The following EDNRA variants were observed in gnomAD, a reference collection of about 807,000 sequenced individuals.
The protein encoded by EDNRA is endothelin-1 receptor.
EDNRA carries 11 observed loss-of-function variants against 41.4 expected under a neutral mutation model. The observed-to-expected ratio is 0.27, with a 90% confidence interval of 0.17 to 0.44. The LOEUF (loss-of-function observed/expected upper bound fraction) is 0.44, where lower values mean the gene tolerates loss of function less well. Among genes scored for constraint, EDNRA ranks in the 20% least tolerant of loss-of-function variants. The pLI is 1.00. For synonymous variants in EDNRA, 172 were observed against 183.0 expected (o/e 0.94, Z 0.49); for missense variants, 294 against 531.0 (o/e 0.55, Z 4.39).
rs934971986 is a variant in EDNRA, at chr4:147,544,200, A to ATT, written c.*1585_*1586dup. ...TCATCATGACAACCTGCCTCAGTCC[A>ATT]TTTTAACCTGTAGCAACCTTCTGCA... On this transcript the variant is annotated 3_prime_UTR_variant, in exon 8 of 8. Transcript: ENST00000651419. 1 of 152,780 alleles carries ATT rather than the reference A, an allele frequency of 6.5e-6. No homozygotes were observed. Among genetic ancestry groups the ATT allele is most frequent in the African/African-American group, 2.4e-5 (1 of 41,446 alleles). The allele number at this position is 152,780 out of a possible 1,614,324, so 9.5% of individuals were successfully genotyped here.
At chr4:147,500,091 C>T (rs750447550) in intron 2 of EDNRA, among the ~76,000 whole-genome samples, 8 of 152,104 alleles carry the variant, frequency 5.3e-5, no homozygotes, top group Non-Finnish European at 1.2e-4. Context: ...GAGTGTGAGC[C>T]ACCACACCTA....
intron 3 of EDNRA, among the ~76,000 whole-genome samples, chr4:147,523,690 C>T (rs370776057): frequency 5.9e-5 from 9 of 152,094 alleles, no homozygotes; most frequent in African/African-American, 2.2e-4. Flanking sequence ...CGGGGTTTCA[C>T]CGTGTTAGCC....
chr4:147,539,630 A>T (rs951462347), intron 5 of EDNRA, among the ~76,000 whole-genome samples, 187 bp from the exon 6 acceptor site: 5 of 152,094 alleles, frequency 3.3e-5, no homozygotes, highest in African/African-American at 1.2e-4. Context: ...CATCATTAGC[A>T]ATTCCTTCGT....
chr4:147,537,242 GTAT>G (rs1304647858), intron 5 of EDNRA, among the ~76,000 whole-genome samples: 7 of 152,286 alleles, frequency 4.6e-5, no homozygotes, highest in African/African-American at 1.7e-4. Flanking sequence ...TGAATCAATA[GTAT>G]TATGAGGATC....
Position 147,532,635 on chromosome 4 carries a change from G to A in EDNRA, c.678G>A (p.Met226Ile). 1 of 1,613,988 alleles carries A rather than the reference G, an allele frequency of 6.2e-7. No homozygotes were observed. Among genetic ancestry groups the A allele is most frequent in the Non-Finnish European group, 8.5e-7 (1 of 1,179,998 alleles). Residue 226 changes from methionine (M) to isoleucine (I), a missense_variant, in exon 4 of 8, where the codon ATG becomes ATA. By Grantham distance (10) the Met-to-Ile change is conservative. This residue lies in a region of EDNRA where 185 missense variants were observed against 390.8 expected (regional missense o/e 0.47). Coordinates refer to ENST00000651419, the MANE Select transcript of EDNRA (RefSeq NM_001957.4). ...LAIPEAIGFV[M>I]VPFEYRGEQH... ...TTCCTGAAGCGATTGGCTTCGTCAT[G>A]GTACCCTTTGAATATAGGGGTGAAC...
chr4:147,506,044 A>C, intron 2 of EDNRA: 1 of 456,738 alleles, frequency 2.2e-6, no homozygotes, highest in South Asian at 1.7e-5. Flanking sequence ...TTGTTCATGC[A>C]AAAACCTGTA....
At chr4:147,517,192 T>A (rs887540975) in intron 2 of EDNRA, among the ~76,000 whole-genome samples, 1 of 152,186 alleles carries the variant, frequency 6.6e-6, no homozygotes, top group Non-Finnish European at 1.5e-5. Flanking sequence ...TAAGTGCTAG[T>A]AAATAACAGG....
chr4:147,495,474 G>A (rs1304046650), intron 2 of EDNRA: 1 of 152,204 alleles, frequency 6.6e-6, no homozygotes, highest in African/African-American at 2.4e-5. Context: ...CATCTATGTT[G>A]TAAGTCTTGC....
intron 3 of EDNRA, among the ~76,000 whole-genome samples, chr4:147,528,940 A>G (rs753145821): frequency 4.0e-5 from 6 of 151,762 alleles, no homozygotes; most frequent in Non-Finnish European, 7.4e-5. Flanking sequence ...TAACAGCCTC[A>G]CTCCAGTTGC....
chr4:147,538,385 A>T (rs1247699879), intron 5 of EDNRA, among the ~76,000 whole-genome samples: 3 of 152,222 alleles, frequency 2.0e-5, no homozygotes, highest in African/African-American at 7.2e-5. Context: ...GGCCATGTAG[A>T]TAATTAGGCC....
At chr4:147,516,137 GTGT>G (rs1730107739) in intron 2 of EDNRA, among the ~76,000 whole-genome samples, 1 of 152,156 alleles carries the variant, frequency 6.6e-6, no homozygotes, top group Non-Finnish European at 1.5e-5. Flanking sequence ...TCTTTCTGTG[GTGT>G]TCTTCTGTGA....
chr4:147,485,803 G>C lies in EDNRA; in HGVS notation c.122G>C (p.Arg41Pro), dbSNP rs188759418. The change falls in exon 2 of 8, where the codon CGT (arginine) becomes CCT (proline). Residue 41 changes from arginine (R) to proline (P), a missense_variant. By Grantham distance (103) the Arg-to-Pro change is moderately radical. Transcript: ENST00000651419. ...SNHVDDFTTF[R>P]GTELSFLVTT... ...CATGTGGATGATTTCACCACTTTTC[G>C]TGGCACAGAGCTCAGCTTCCTGGTT... The C allele has an allele frequency of 6.2e-7, 1 of 1,614,218 alleles. No homozygotes were observed. Among genetic ancestry groups the C allele is most frequent in the Admixed American group, 1.7e-5 (1 of 60,028 alleles).
chr4:147,535,195 G>A lies in EDNRA; in HGVS notation c.748-682G>A, dbSNP rs924148365. On this transcript the variant is annotated intron_variant, in intron 4 of 7. Transcript: ENST00000651419. ...TTCTTCTTTAAGCAGAAGTAAAACC[G>A]AATAATCTCGGTATTTATAAATCCT... Among the ~76,000 whole-genome samples the A allele has an allele frequency of 4.6e-5, 7 of 152,106 alleles. No individual in the cohort carries two copies. The South Asian group carries it at 8.3e-4, about 18-fold the overall frequency.
intron 2 of EDNRA, among the ~76,000 whole-genome samples, chr4:147,511,908 T>C (rs1729941082): frequency 6.6e-6 from 1 of 152,202 alleles, no homozygotes; most frequent in African/African-American, 2.4e-5. Flanking sequence ...AAAACTGTGC[T>C]TGTATGTTTT....
rs199631962 is a variant in EDNRA, at chr4:147,485,957, C to T, written c.276C>T (p.Ile92=). Residue 92 remains isoleucine (I), a synonymous_variant, in exon 2 of 8, where the codon ATC becomes ATT. Coordinates refer to ENST00000651419, the MANE Select transcript of EDNRA (RefSeq NM_001957.4). ...CTGTGATATCTTGTACTATTTTCAT[C>T]GTGGGAATGGTGGGGAATGCAACTC... ...INTVISCTIF[I]VGMVGNATLL... is the part of the protein sequence containing the mutation. The T allele has an allele frequency of 2.9e-5, 47 of 1,614,068 alleles. No individual in the cohort carries two copies. The highest frequency in any genetic ancestry group is 6.7e-5 in the Admixed American group (4 of 60,004).
intron 7 of EDNRA, among the ~76,000 whole-genome samples, chr4:147,541,140 A>G (rs1445214585): frequency 6.6e-6 from 1 of 151,848 alleles, no homozygotes; most frequent in Non-Finnish European, 1.5e-5. Flanking sequence ...TTAGTAATAG[A>G]ATCTTCAAGG....
rs371461025 is a variant in EDNRA, at chr4:147,540,502, A to G, written c.1143+17A>G. On this transcript the variant is annotated intron_variant, in intron 7 of 7. Transcript: ENST00000651419. The stretch of plus-strand genomic sequence containing the variant: ...TGTTTCCAGGTAAGATGATTTTTCA[A>G]GTATTTTTTAAAGACAACAAAATGA... 9.6e-6 allele frequency: 15 copies of G among 1,569,482 alleles called. No homozygotes were observed. Among genetic ancestry groups the G allele is most frequent in the African/African-American group, 2.7e-5 (2 of 73,596 alleles).
intron 3 of EDNRA, among the ~76,000 whole-genome samples, chr4:147,530,083 C>CA (rs1192257034): frequency 3.3e-5 from 5 of 152,156 alleles, no homozygotes; most frequent in Admixed American, 6.5e-5. Flanking sequence ...TCTGGGAACT[C>CA]ATGGCGCTTT....
In EDNRA at chr4:147,485,908, C is replaced by T. The variant is rs1004846937; in HGVS notation, c.227C>T (p.Thr76Ile). 2.3e-5 allele frequency: 37 copies of T among 1,614,120 alleles called. No homozygotes were observed. The East Asian group carries it at 6.0e-4, about 26-fold the overall frequency. ...TATTGCCCACAGCAGACTAAAATTA[C>T]TTCAGCTTTCAAATACATTAACACT... ...HNYCPQQTKITSAFKYINTVI... is the reference protein window; with the variant it reads ...HNYCPQQTKIISAFKYINTVI... The change falls in exon 2 of 8, where the codon ACT becomes ATT. Residue 76 changes from threonine to isoleucine, a missense_variant. Coordinates refer to ENST00000651419, the MANE Select transcript of EDNRA (RefSeq NM_001957.4).
Sources: gnomAD v4.1 joint callset for allele counts (sites outside exome capture counted in the v4.1 genomes callset) on GRCh38, gnomAD v4.1.1 for gene constraint, gnomAD v4.1.1 regional missense constraint, MANE v1.5 for transcripts, NCBI Gene and HGNC (gene_info 2026-07-23, HGNC 2026-07-21) for gene names.